Variants in SYMPK observed in about 807,000 individuals in gnomAD.
The protein encoded by SYMPK is symplekin scaffold protein, also known as symplekin.
SYMPK carries 49 observed loss-of-function variants against 136.4 expected under a neutral mutation model. That is an observed-to-expected ratio of 0.36 (90% CI 0.29 to 0.46). SYMPK has a LOEUF of 0.46. Among genes scored for constraint, SYMPK ranks in the 20% least tolerant of loss-of-function variants. The probability of loss-of-function intolerance (pLI) is 1.00; values close to 1 mark genes in which losing one functional copy is unlikely to be tolerated. For synonymous variants in SYMPK, 766 were observed against 713.0 expected (o/e 1.07, Z -1.19); for missense variants, 1,365 against 1,690.0 (o/e 0.81, Z 3.37).
At position 45,854,203 on chromosome 19, in the gene SYMPK, T is replaced by C. The variant is rs753895849; in HGVS notation, c.143A>G (p.Asn48Ser). The change falls in exon 3 of 27, where the codon AAT (asparagine) becomes AGT (serine). Residue 48 changes from asparagine to serine, a missense_variant. Physicochemically the swap from Asn to Ser is conservative, Grantham distance 46. Coordinates refer to ENST00000245934, the MANE Select transcript of SYMPK (RefSeq NM_004819.3). ...TTTGAGCACTGTGATCTTTGAGTCA[T>C]TGGTGATCAGCGCCGCCTGGTTCAG... ...DLLNQAALIT[N>S]DSKITVLKQV... is the part of the protein sequence containing the mutation. 23 of 1,613,962 alleles carry C rather than the reference T, an allele frequency of 1.4e-5. No homozygotes were observed. Among genetic ancestry groups the C allele is most frequent in the Admixed American group, 5.0e-5 (3 of 60,000 alleles).
At chr19:45,818,730 C>A (rs1474656741) in intron 22 of SYMPK, among the ~76,000 whole-genome samples, 1 of 152,094 alleles carries the variant, frequency 6.6e-6, no homozygotes, top group Non-Finnish European at 1.5e-5. Context: ...GATGACCCCC[C>A]GACTCAACAC....
chr19:45,827,753 G>A (rs1474917268), intron 15 of SYMPK, 84 bp downstream of exon 15: 2 of 1,532,336 alleles, frequency 1.3e-6, no homozygotes, highest in East Asian at 4.5e-5. Flanking sequence ...CCGGCCACAA[G>A]GTTTAGACTG....
At chr19:45,822,900 C>T (rs1970940955) in intron 20 of SYMPK, 54 bp from the exon 21 acceptor site, 2 of 1,452,344 alleles carry the variant, frequency 1.4e-6, no homozygotes, top group African/African-American at 2.8e-5. Context: ...CCCTCATTTC[C>T]CTTCTAGACA....
chr19:45,829,112 G>C lies in SYMPK; in HGVS notation c.1843C>G (p.Arg615Gly). Residue 615 changes from arginine (R) to glycine (G), a missense_variant, in exon 14 of 27, where the codon CGC (arginine) becomes GGC (glycine). Arg to Gly is a moderately radical substitution (Grantham distance 125). Coordinates refer to ENST00000245934, the MANE Select transcript of SYMPK (RefSeq NM_004819.3). ...LSFILEDVRARLDLAFAWLYQ... is the reference protein window; with the variant it reads ...LSFILEDVRAGLDLAFAWLYQ... ...AGCCAGGCGAAGGCCAGGTCCAGGC[G>C]GGCCCGCACATCCTCCAGGATGAAG... 1 of 1,614,222 alleles carries C rather than the reference G, an allele frequency of 6.2e-7. No individual in the cohort carries two copies. The highest frequency in any genetic ancestry group is 8.5e-7 in the Non-Finnish European group (1 of 1,180,048).
intron 23 of SYMPK, among the ~76,000 whole-genome samples, chr19:45,817,345 G>A (rs1237793713): frequency 6.6e-6 from 1 of 151,478 alleles, no homozygotes; most frequent in Non-Finnish European, 1.5e-5. Context: ...ACCTGTCCTG[G>A]GTCACATGTA....
intron 23 of SYMPK, 141 bp from the exon 24 acceptor site, chr19:45,817,115 A>C: frequency 1.2e-6 from 1 of 825,596 alleles, no homozygotes; most frequent in South Asian, 2.0e-5. Context: ...AGCAGCCCCG[A>C]CCTCCCTCCA....
intron 3 of SYMPK, among the ~76,000 whole-genome samples, chr19:45,853,739 C>T (rs1209687579): frequency 6.6e-6 from 1 of 151,876 alleles, no homozygotes; most frequent in African/African-American, 2.4e-5. Flanking sequence ...GGAGCTCCCT[C>T]TGGGCTCCCA....
Position 45,827,888 on chromosome 19 carries a change from T to C in SYMPK, c.2016A>G (p.Pro672=). Residue 672 remains proline (P), a synonymous_variant, in exon 15 of 27, where the codon CCA becomes CCG. Coordinates refer to ENST00000245934, the MANE Select transcript of SYMPK (RefSeq NM_004819.3). ...CCTCCAGGGCACTCTCTGTGATGAG[T>C]GGCGCCTCCAGCACAACCTTGGTGA... The part of the protein sequence containing the change: ...GIFTKVVLEA[P]LITESALEVV... 4 of 1,613,904 alleles carry C rather than the reference T, an allele frequency of 2.5e-6. No individual in the cohort carries two copies. The highest frequency in any genetic ancestry group is 3.4e-6 in the Non-Finnish European group (4 of 1,180,008).
intron 11 of SYMPK, among the ~76,000 whole-genome samples, chr19:45,832,880 C>T (rs549120385): frequency 5.3e-5 from 8 of 149,978 alleles, no homozygotes; most frequent in Non-Finnish European, 1.0e-4. Flanking sequence ...AAAAAATCAG[C>T]CAGGCATGGT....
At chr19:45,857,759 G>A (rs1446698780) in intron 1 of SYMPK, among the ~76,000 whole-genome samples, 3 of 151,182 alleles carry the variant, frequency 2.0e-5, no homozygotes, top group Non-Finnish European at 2.9e-5. Context: ...CCAAAGTGCT[G>A]GGATTACAGG....
intron 10 of SYMPK, among the ~76,000 whole-genome samples, chr19:45,836,770 C>CT (rs1568617269): frequency 6.6e-6 from 1 of 152,156 alleles, no homozygotes. Flanking sequence ...TCTCCAGTGG[C>CT]TGGGATCACA....
At chr19:45,825,861 C>A (rs949382664) in intron 17 of SYMPK, among the ~76,000 whole-genome samples, 16 of 152,210 alleles carry the variant, frequency 1.1e-4, no homozygotes, top group African/African-American at 3.6e-4. Flanking sequence ...CTGGGCCAGG[C>A]CTCCCGTGCT....
At chr19:45,848,580 T>C (rs377722916) in intron 6 of SYMPK, among the ~76,000 whole-genome samples, 170 bp downstream of exon 6, 36 of 152,230 alleles carry the variant, frequency 2.4e-4, no homozygotes, top group African/African-American at 8.0e-4. Context: ...TAAGTGCAAC[T>C]TCCTGACCTA....
At position 45,844,174 on chromosome 19, in the gene SYMPK, C is replaced by A; in HGVS notation, c.703G>T (p.Ala235Ser). 1.9e-6 allele frequency: 3 copies of A among 1,606,982 alleles called. No homozygotes were observed. Among genetic ancestry groups the A allele is most frequent in the Non-Finnish European group, 2.5e-6 (3 of 1,176,676 alleles). Reference protein sequence around the residue: ...YNVLWEEGKAALEQLLKFMVH... With the variant: ...YNVLWEEGKASLEQLLKFMVH... ...ATGAACTTAAGCAGCTGCTCCAAGG[C>A]TGCCTTGCCCTCTTCCCATAGCACG... Residue 235 changes from alanine to serine, a missense_variant, in exon 8 of 27, where the codon GCC (alanine) becomes TCC (serine). By Grantham distance (99) the Ala-to-Ser change is moderately conservative. Transcript: ENST00000245934.
In SYMPK at chr19:45,821,958, C is replaced by CT. The variant is rs1420839130; in HGVS notation, c.2792-474dup. Reference sequence around the variant, plus strand: ...GGGAGGCTGGTGGAGTGGCTCTTTGCTGCTGCTATTTTGATGGTCCCAGAG... The same window carrying CT: ...GGGAGGCTGGTGGAGTGGCTCTTTGCTTGCTGCTATTTTGATGGTCCCAGAG... On this transcript the variant is annotated intron_variant, in intron 21 of 26. Transcript: ENST00000245934. This position sits in a 1 kb window ranked among gnomAD's most constrained non-coding sequence, Gnocchi z 4.4. Among the ~76,000 whole-genome samples, 1 of 152,096 alleles carries CT rather than the reference C, an allele frequency of 6.6e-6. No homozygotes were observed. The highest frequency in any genetic ancestry group is 1.5e-5 in the Non-Finnish European group (1 of 68,024).
intron 8 of SYMPK, chr19:45,842,919 GA>G: frequency 5.7e-6 from 1 of 174,082 alleles, no homozygotes; most frequent in Non-Finnish European, 1.2e-5. Flanking sequence ...GTTCCACAGT[GA>G]AAAAGGATGC....
In SYMPK at chr19:45,821,480, C is replaced by T; in HGVS notation, c.2797G>A (p.Gly933Arg). 1 of 1,613,044 alleles carries T rather than the reference C, an allele frequency of 6.2e-7. No homozygotes were observed. Among genetic ancestry groups the T allele is most frequent in the Non-Finnish European group, 8.5e-7 (1 of 1,179,210 alleles). ...NRLLGTQHGE[G>R]NSALSPLNPG... is the part of the protein sequence containing the mutation. ...TTCAGCGGGGACAAGGCTGAGTTTC[C>T]CTCACCTGCAGCAGGCGGGAGGAAG... Residue 933 changes from glycine (G) to arginine (R), a missense_variant, in exon 22 of 27, where the codon GGA becomes AGA. Gly to Arg is a moderately radical substitution (Grantham distance 125, BLOSUM62 -2). Coordinates refer to ENST00000245934, the MANE Select transcript of SYMPK (RefSeq NM_004819.3). The surrounding 1 kb of genome is among the most constrained non-coding windows in gnomAD (Gnocchi z 4.4).
rs555466334 is a variant in SYMPK, at chr19:45,847,839, G to A, written c.589C>T (p.Arg197Cys). Residue 197 changes from arginine (R) to cysteine (C), a missense_variant, in exon 7 of 27, where the codon CGC becomes TGC. This residue lies in a region of SYMPK where 237 missense variants were observed against 292.9 expected (regional missense o/e 0.81). Coordinates refer to ENST00000245934, the MANE Select transcript of SYMPK (RefSeq NM_004819.3). ...VEGLIVTLSPRMADSEIPRRQ... is the reference protein window; with the variant it reads ...VEGLIVTLSPCMADSEIPRRQ... ...CGGGGTATCTCTGAGTCAGCCATGC[G>A]GGGTGACAGGGTGACAATGAGGCCC... 5.6e-6 allele frequency: 9 copies of A among 1,614,050 alleles called. No homozygotes were observed. Among genetic ancestry groups the A allele is most frequent in the Non-Finnish European group, 7.6e-6 (9 of 1,180,018 alleles).
chr19:45,859,890 A>G (rs537723618), intron 1 of SYMPK, among the ~76,000 whole-genome samples: 1 of 149,858 alleles, frequency 6.7e-6, no homozygotes, highest in Non-Finnish European at 1.5e-5. Context: ...CATATGCACA[A>G]TTAGCTGGGC....
Sources: gnomAD v4.1 joint callset for allele counts (sites outside exome capture counted in the v4.1 genomes callset) on GRCh38, gnomAD v4.1.1 for gene constraint, gnomAD v4.1.1 regional missense constraint, Gnocchi (gnomAD v3.1) non-coding constraint, MANE v1.5 for transcripts, NCBI Gene and HGNC (gene_info 2026-07-23, HGNC 2026-07-21) for gene names.